TET3: variants seen among roughly 807,000 people sequenced by gnomAD.
The protein encoded by TET3 is methylcytosine dioxygenase TET3.
A neutral mutation model predicts 141.4 loss-of-function variants in TET3; 19 were observed. The observed-to-expected ratio is 0.13, with a 90% CI of 0.09 to 0.20. The LOEUF is 0.20. Ranked by LOEUF, TET3 falls within the 10% of genes least tolerant of loss-of-function variation. The pLI is 1.00. For missense variants in TET3, 1,874 were observed against 2,356.9 expected (o/e 0.80, Z 4.24); for synonymous variants, 1,043 against 980.9 (o/e 1.06, Z -1.18).
chr2:74,040,020 A>G (rs1687260761), intron 3 of TET3, among the ~76,000 whole-genome samples: 1 of 152,218 alleles, frequency 6.6e-6, no homozygotes, highest in African/African-American at 2.4e-5. Context: ...GTCACACAGT[A>G]AGAAGAGCAT....
chr2:74,005,836 A>G (rs1459547338), intron 3 of TET3, among the ~76,000 whole-genome samples: 3 of 152,206 alleles, frequency 2.0e-5, no homozygotes, highest in Non-Finnish European at 2.9e-5. Flanking sequence ...TGTTTGGTGC[A>G]TTACATGTCT....
chr2:74,007,335 A>T (rs907006385), intron 3 of TET3, among the ~76,000 whole-genome samples: 10 of 152,236 alleles, frequency 6.6e-5, no homozygotes. Flanking sequence ...TTGACTCAAC[A>T]TGCCAAGTTT....
intron 2 of TET3, chr2:74,002,669 A>C (rs1684919039): frequency 2.5e-6 from 1 of 404,232 alleles, no homozygotes; most frequent in Non-Finnish European, 4.3e-6. Flanking sequence ...CTCGCACACC[A>C]GCCCCGCGGC....
intron 4 of TET3, among the ~76,000 whole-genome samples, chr2:74,069,194 A>G (rs1301045208): frequency 2.0e-5 from 3 of 149,698 alleles, no homozygotes; most frequent in Non-Finnish European, 4.4e-5. Flanking sequence ...GATTTGGGGG[A>G]TAAGGTATTA....
chr2:74,094,269 T>C (rs1690676458), intron 10 of TET3, among the ~76,000 whole-genome samples: 1 of 152,150 alleles, frequency 6.6e-6, no homozygotes, highest in Admixed American at 6.5e-5. Context: ...GGTAGAGTGC[T>C]CCAGGCAGAG....
chr2:74,061,309 A>C (rs1296319852), intron 4 of TET3, among the ~76,000 whole-genome samples: 3 of 124,634 alleles, frequency 2.4e-5, no homozygotes, highest in Admixed American at 7.8e-5. Context: ...ACTTCCCAGT[A>C]GGGGCGGCCG....
the TET3 span, among the ~76,000 whole-genome samples, chr2:74,129,396 G>T: frequency 1.3e-5 from 2 of 149,048 alleles, no homozygotes; most frequent in African/African-American, 4.9e-5. Context: ...ACTTTGGGAG[G>T]CTGAGGCAGG....
intron 3 of TET3, 137 bp downstream of exon 3, chr2:74,003,303 G>T: frequency 8.7e-7 from 1 of 1,150,112 alleles, no homozygotes; most frequent in Non-Finnish European, 1.2e-6. Flanking sequence ...AGCTGAGGGG[G>T]AGGGGCGGCG....
intron 3 of TET3, among the ~76,000 whole-genome samples, chr2:74,042,639 A>G (rs774123682): frequency 3.3e-5 from 5 of 152,130 alleles, no homozygotes; most frequent in Non-Finnish European, 7.4e-5. Flanking sequence ...AAGCACTAAG[A>G]TTGTTTGGAT....
At chr2:74,045,971 G>T (rs1687598012) in intron 3 of TET3, among the ~76,000 whole-genome samples, 1 of 152,182 alleles carries the variant, frequency 6.6e-6, no homozygotes, top group Admixed American at 6.5e-5. Flanking sequence ...GTGTGTCTCT[G>T]GTTTTAGGAG....
chr2:74,047,173 C>G lies in TET3; in HGVS notation c.1256C>G (p.Pro419Arg), dbSNP rs1468495322. The G allele has an allele frequency of 6.2e-7, 1 of 1,614,008 alleles. No homozygotes were observed. The highest frequency in any genetic ancestry group is 8.5e-7 in the Non-Finnish European group (1 of 1,179,890). ...VPPEEHSSFA[P>R]DSSAFPPATP... ...CCTGAAGAGCACTCATCTTTTGCTC[C>G]TGATAGCTCTGCCTTCCCTCCAGCA... is the stretch of plus-strand genomic sequence containing the variant. The change falls in exon 4 of 12, where the codon CCT (proline) becomes CGT (arginine). Residue 419 changes from proline to arginine, a missense_variant. Transcript: ENST00000409262.
downstream of TET3, among the ~76,000 whole-genome samples, chr2:74,110,697 G>C (rs970809916): frequency 2.6e-5 from 4 of 152,068 alleles, no homozygotes; most frequent in African/African-American, 9.7e-5. Context: ...CCCAACCCCA[G>C]GCCCAGGGAG....
At chr2:74,114,184 C>T in the TET3 span, among the ~76,000 whole-genome samples, 1 of 152,180 alleles carries the variant, frequency 6.6e-6, no homozygotes, top group South Asian at 2.1e-4. Flanking sequence ...GGCAAAGATG[C>T]CAAGAATACT....
the TET3 span, chr2:74,134,757 C>A: frequency 2.2e-6 from 1 of 456,758 alleles, no homozygotes; most frequent in South Asian, 1.5e-5. Flanking sequence ...GCCCAAATCA[C>A]ACTGCAGACC....
chr2:74,002,740 G>T lies in TET3; in HGVS notation c.304-370G>T, dbSNP rs765447736. ...TCCTCTGCAGTGCCTCCCTCCGTGC[G>T]CTCCCTCCGGCGGGGATAATGGGAG... On this transcript the variant is annotated intron_variant, in intron 2 of 11. Transcript: ENST00000409262. 1.3e-4 allele frequency: 66 copies of T among 522,904 alleles called. No homozygotes were observed. In the East Asian group the frequency reaches 1.9e-3, roughly 15 times the overall value. 32.4% of individuals were successfully genotyped at this position (522,904 alleles called of 1,614,324 possible). A position where few individuals can be genotyped will look rare whatever the true frequency, so the allele number is the denominator to read the frequency against.
At chr2:74,082,935 T>G (rs554736351) in intron 6 of TET3, among the ~76,000 whole-genome samples, 2 of 152,296 alleles carry the variant, frequency 1.3e-5, no homozygotes, top group South Asian at 4.1e-4. Context: ...CCTGTGCATG[T>G]CCCCACCCTG....
intron 4 of TET3, among the ~76,000 whole-genome samples, chr2:74,060,477 A>C (rs1228584662): frequency 6.6e-6 from 1 of 152,196 alleles, no homozygotes; most frequent in Non-Finnish European, 1.5e-5. Flanking sequence ...CGACTTACTT[A>C]AGTCACCATC....
chr2:74,017,849 CCCA>C (rs1685815733), intron 3 of TET3, among the ~76,000 whole-genome samples: 1 of 152,124 alleles, frequency 6.6e-6, no homozygotes, highest in African/African-American at 2.4e-5. Context: ...AATTTACATT[CCCA>C]CCAACAGTCT....
At chr2:73,985,210 G>C (rs1463712996) in intron 1 of TET3, 53 bp downstream of exon 1, 12 of 144,314 alleles carry the variant, frequency 8.3e-5, no homozygotes, top group Non-Finnish European at 1.2e-4. Flanking sequence ...GGCGGCGGGA[G>C]GCGCGGGGGG....
Sources: gnomAD v4.1 joint callset for allele counts (sites outside exome capture counted in the v4.1 genomes callset) on GRCh38, gnomAD v4.1.1 for gene constraint, MANE v1.5 for transcripts, NCBI Gene and HGNC (gene_info 2026-07-23, HGNC 2026-07-21) for gene names.